SSX2IP: variants seen among roughly 807,000 people sequenced by gnomAD.
SSX2IP encodes afadin- and alpha-actinin-binding protein.
In SSX2IP, 55 loss-of-function variants were observed where a neutral mutation model predicts 84.9. That is an observed-to-expected ratio of 0.65 (90% CI 0.52 to 0.81). The LOEUF is 0.81. Ranked by LOEUF, SSX2IP falls within the 30% of genes least tolerant of loss-of-function variation. SSX2IP has a pLI of 0.00. For synonymous variants in SSX2IP, 239 were observed against 234.7 expected (o/e 1.02, Z -0.17); for missense variants, 664 against 705.2 (o/e 0.94, Z 0.66).
chr1:84,664,632 A>C (rs1652506412), intron 5 of SSX2IP, 80 bp from the exon 6 acceptor site: 2 of 1,258,410 alleles, frequency 1.6e-6, no homozygotes, highest in Admixed American at 2.9e-5. Flanking sequence ...TCATCTCCCC[A>C]TATAGGTTTT....
intron 1 of SSX2IP, among the ~76,000 whole-genome samples, chr1:84,683,199 G>GAC (rs1345099946): frequency 6.6e-6 from 1 of 151,308 alleles, no homozygotes; most frequent in African/African-American, 2.4e-5. Context: ...GTGCAGGTTT[G>GAC]CTGCACCTAT....
intron 1 of SSX2IP, among the ~76,000 whole-genome samples, chr1:84,673,812 CA>C (rs1353214411): frequency 2.0e-5 from 3 of 152,132 alleles, no homozygotes; most frequent in Non-Finnish European, 4.4e-5. Context: ...TATACTAAGA[CA>C]GATGATGTTA....
chr1:84,679,851 C>G (rs1654842027), intron 1 of SSX2IP, among the ~76,000 whole-genome samples: 1 of 152,100 alleles, frequency 6.6e-6, no homozygotes, highest in Admixed American at 6.6e-5. Context: ...GAAATTGAGG[C>G]AGAGAGGTTA....
chr1:84,683,221 C>G (rs1344793302), intron 1 of SSX2IP, among the ~76,000 whole-genome samples: 1 of 151,862 alleles, frequency 6.6e-6, no homozygotes, highest in Non-Finnish European at 1.5e-5. Flanking sequence ...AATCCGTCAT[C>G]TAGGTTTTAA....
At chr1:84,687,717 T>C (rs1019230011) in intron 1 of SSX2IP, among the ~76,000 whole-genome samples, 6 of 152,222 alleles carry the variant, frequency 3.9e-5, no homozygotes, top group Non-Finnish European at 7.3e-5. Flanking sequence ...GGAAATATCC[T>C]TCTAAAGTAA....
At chr1:84,649,902 CA>C (rs773122983) in intron 13 of SSX2IP, 1 of 528,046 alleles carries the variant, frequency 1.9e-6, no homozygotes, top group African/African-American at 1.9e-5. Context: ...TCCTTGGGCA[CA>C]AATCTTTTTC....
chr1:84,676,345 C>A (rs1431447779), intron 1 of SSX2IP, among the ~76,000 whole-genome samples: 1 of 152,092 alleles, frequency 6.6e-6, no homozygotes, highest in Non-Finnish European at 1.5e-5. Context: ...AACATAGATT[C>A]CAATCAATGT....
intron 1 of SSX2IP, among the ~76,000 whole-genome samples, chr1:84,676,489 T>C (rs1654350074): frequency 6.6e-6 from 1 of 152,186 alleles, no homozygotes; most frequent in Non-Finnish European, 1.5e-5. Context: ...AAAGTACCAA[T>C]GCCATACACT....
At chr1:84,674,872 G>A (rs6687220) in intron 1 of SSX2IP, among the ~76,000 whole-genome samples, 53 of 152,082 alleles carry the variant, frequency 3.5e-4, no homozygotes, top group South Asian at 8.3e-4. Context: ...GGAGACTTGC[G>A]ATATAAGAAA....
At chr1:84,685,157 A>T (rs1007735980) in intron 1 of SSX2IP, among the ~76,000 whole-genome samples, 1 of 152,224 alleles carries the variant, frequency 6.6e-6, no homozygotes, top group Non-Finnish European at 1.5e-5. Flanking sequence ...ATTTCAAACA[A>T]TTCTAAATTC....
chr1:84,669,749 C>T lies in SSX2IP; in HGVS notation c.358G>A (p.Val120Met), dbSNP rs186834050. Reference protein sequence around the residue: ...QRKNLLAQENVETQNLKLGSD... With the variant: ...QRKNLLAQENMETQNLKLGSD... ...CCCAGCTTCAAATTCTGTGTCTCCA[C>T]ATTTTCCTGAGCTAGAAGGTTCTTC... The change falls in exon 4 of 14, where the codon GTG becomes ATG. Residue 120 changes from valine (V) to methionine (M), a missense_variant. Transcript: ENST00000342203. 1.9e-6 allele frequency: 3 copies of T among 1,613,860 alleles called. No individual in the cohort carries two copies. The highest frequency in any genetic ancestry group is 2.5e-6 in the Non-Finnish European group (3 of 1,179,804).
intron 13 of SSX2IP, among the ~76,000 whole-genome samples, chr1:84,648,097 T>G (rs1649714007): frequency 6.6e-6 from 1 of 152,182 alleles, no homozygotes; most frequent in Admixed American, 6.5e-5. Context: ...AATTCCATTC[T>G]ACAGTGAAGG....
chr1:84,656,333 G>T lies in SSX2IP; in HGVS notation c.1215+15C>A. ...TTTTCATGGAGAACAGCTTTAAAAG[G>T]TAATTCATATTCACCTGTAAAAGCT... On this transcript the variant is annotated intron_variant, in intron 10 of 13. Transcript: ENST00000342203. 6.2e-7 allele frequency: 1 copy of T among 1,607,966 alleles called. No homozygotes were observed. The highest frequency in any genetic ancestry group is 8.5e-7 in the Non-Finnish European group (1 of 1,178,102).
intron 6 of SSX2IP, among the ~76,000 whole-genome samples, chr1:84,663,552 T>C (rs1385550671): frequency 1.3e-5 from 2 of 152,236 alleles, no homozygotes; most frequent in African/African-American, 4.8e-5. Context: ...AGTATTCAGA[T>C]ACCTCCAACA....
At chr1:84,651,243 A>G (rs1170056021) in intron 12 of SSX2IP, among the ~76,000 whole-genome samples, 1 of 151,922 alleles carries the variant, frequency 6.6e-6, no homozygotes, top group Non-Finnish European at 1.5e-5. Flanking sequence ...GCCTGAGCCC[A>G]GGACGCTGAG....
chr1:84,680,760 A>T (rs1265394787), intron 1 of SSX2IP, among the ~76,000 whole-genome samples: 1 of 152,216 alleles, frequency 6.6e-6, no homozygotes, highest in Non-Finnish European at 1.5e-5. Context: ...AACTTAAAAA[A>T]TAGGGAAAAG....
chr1:84,657,156 T>C lies in SSX2IP; in HGVS notation c.1079-672A>G, dbSNP rs533448753. ...TCATTTACTGAGCAGAAATCTTCAT[T>C]TTCCTAGTTTAAAAGCATTCAAACT... On this transcript the variant is annotated intron_variant, in intron 9 of 13. Coordinates refer to ENST00000342203, the MANE Select transcript of SSX2IP (RefSeq NM_001166293.2). Among the ~76,000 whole-genome samples the C allele has an allele frequency of 1.1e-4, 17 of 152,280 alleles. No individual in the cohort carries two copies. The South Asian group carries it at 3.3e-3, about 30-fold the overall frequency.
At chr1:84,675,629 G>A (rs765861118) in intron 1 of SSX2IP, among the ~76,000 whole-genome samples, 3 of 152,274 alleles carry the variant, frequency 2.0e-5, no homozygotes, top group South Asian at 4.2e-4. Flanking sequence ...ATTTTCCAAC[G>A]TGTGGGACAA....
chr1:84,664,013 T>A (rs1176202295), intron 6 of SSX2IP, among the ~76,000 whole-genome samples: 1 of 152,160 alleles, frequency 6.6e-6, no homozygotes, highest in Middle Eastern at 3.2e-3. Context: ...TAAACTTATT[T>A]AAAGGAACTC....
Sources: allele counts gnomAD v4.1 joint callset (sites outside exome capture counted in the v4.1 genomes callset), GRCh38; gene constraint gnomAD v4.1.1; transcripts MANE v1.5; gene names NCBI Gene and HGNC (gene_info 2026-07-23, HGNC 2026-07-21).